The following EXOC6 variants were observed in gnomAD, a reference collection of about 807,000 sequenced individuals.
The protein encoded by EXOC6 is exocyst complex component 6, also known as SEC15-like 1.
A neutral mutation model predicts 112.5 loss-of-function variants in EXOC6; 60 were observed. The ratio of observed to expected loss-of-function variants is 0.53; its 90% CI spans 0.43 to 0.66. EXOC6 has a LOEUF of 0.66. Ranked by LOEUF, EXOC6 falls within the 30% of genes least tolerant of loss-of-function variation. EXOC6 has a pLI of 0.00. For synonymous variants in EXOC6, 295 were observed against 308.0 expected (o/e 0.96, Z 0.44); for missense variants, 855 against 957.1 (o/e 0.89, Z 1.41).
At chr10:92,975,509 C>A (rs541023572) in intron 18 of EXOC6, among the ~76,000 whole-genome samples, 2 of 149,898 alleles carry the variant, frequency 1.3e-5, no homozygotes, top group Non-Finnish European at 3.0e-5. Flanking sequence ...CCAGCCGCCC[C>A]GTCCAGGAGG....
At chr10:92,985,717 C>T (rs1339759039) in intron 18 of EXOC6, among the ~76,000 whole-genome samples, 1 of 152,122 alleles carries the variant, frequency 6.6e-6, no homozygotes, top group Non-Finnish European at 1.5e-5. Flanking sequence ...CCTCTTTTAG[C>T]TCTGCACTTT....
chr10:93,051,298 C>A (rs1846283179), intron 20 of EXOC6, among the ~76,000 whole-genome samples: 1 of 152,178 alleles, frequency 6.6e-6, no homozygotes, highest in South Asian at 2.1e-4. Context: ...CTTTAAGCAG[C>A]TTCTGCAGCA....
chr10:93,037,401 G>A (rs901194210), intron 20 of EXOC6, among the ~76,000 whole-genome samples: 1 of 151,612 alleles, frequency 6.6e-6, no homozygotes, highest in East Asian at 2.0e-4. Context: ...CACCCAATGT[G>A]CGGGGATTAA....
intron 7 of EXOC6, 69 bp from the exon 8 acceptor site, chr10:92,919,910 TTAA>T: frequency 1.1e-6 from 1 of 910,370 alleles, no homozygotes; most frequent in South Asian, 1.8e-5. Context: ...TTGCCTATCT[TTAA>T]CTTTACATTA....
chr10:92,980,029 T>G (rs2134118054), intron 18 of EXOC6, among the ~76,000 whole-genome samples: 1 of 152,046 alleles, frequency 6.6e-6, no homozygotes, highest in African/African-American at 2.4e-5. Flanking sequence ...GCAAGCTAAA[T>G]AGTATTGATA....
intron 17 of EXOC6, among the ~76,000 whole-genome samples, chr10:92,964,871 CCAGCAGCTCT>C (rs1841979906): frequency 6.6e-6 from 1 of 152,154 alleles, no homozygotes; most frequent in Non-Finnish European, 1.5e-5. Context: ...CCAGCAGTTC[CCAGCAGCTCT>C]AGGCTGTCTC....
intron 13 of EXOC6, among the ~76,000 whole-genome samples, chr10:92,946,724 C>A (rs1228285564): frequency 6.6e-6 from 1 of 152,194 alleles, no homozygotes; most frequent in Non-Finnish European, 1.5e-5. Flanking sequence ...TTACACCCCC[C>A]CACACACTAA....
intron 12 of EXOC6, among the ~76,000 whole-genome samples, chr10:92,938,222 T>C (rs534366275): frequency 1.3e-5 from 2 of 152,262 alleles, no homozygotes; most frequent in African/African-American, 4.8e-5. Flanking sequence ...GCAACAATGA[T>C]AGTTACATAA....
At position 92,997,710 on chromosome 10, in the gene EXOC6, G is replaced by A. The variant is rs141452587; in HGVS notation, c.2095+95G>A. 641 of 1,133,774 alleles carry A rather than the reference G, an allele frequency of 5.7e-4. 4 individuals are homozygous for A. In the African/African-American group the frequency reaches 9.4e-3, roughly 17 times the overall value. The allele number at this position is 1,133,774 out of a possible 1,614,324, so 70.2% of individuals were successfully genotyped here. ...TTTAGCAGGATAGTTCAGAAAGGAG[G>A]GAGAAGGCCTGGTTCAGCTAAACTT... On this transcript the variant is annotated intron_variant, in intron 19 of 21. Transcript: ENST00000260762.
intron 20 of EXOC6, among the ~76,000 whole-genome samples, chr10:93,052,787 C>A (rs974499277): frequency 2.0e-5 from 3 of 152,114 alleles, no homozygotes; most frequent in Non-Finnish European, 4.4e-5. Flanking sequence ...CTGACTTTAT[C>A]CTTTAATAAG....
At chr10:92,965,410 G>C (rs1842005717) in intron 17 of EXOC6, among the ~76,000 whole-genome samples, 1 of 152,000 alleles carries the variant, frequency 6.6e-6, no homozygotes, top group Admixed American at 6.6e-5. Context: ...TGCCTCCAGA[G>C]GGCACTATTT....
At chr10:92,889,740 C>CT (rs887588837) in intron 1 of EXOC6, among the ~76,000 whole-genome samples, 51 of 146,792 alleles carry the variant, frequency 3.5e-4, no homozygotes, top group Admixed American at 4.8e-4. Flanking sequence ...CAATTCTGTT[C>CT]TTTTTTTTTT....
chr10:93,025,504 T>C (rs1477685489), intron 20 of EXOC6, among the ~76,000 whole-genome samples: 5 of 152,222 alleles, frequency 3.3e-5, no homozygotes, highest in Non-Finnish European at 7.3e-5. Flanking sequence ...GGCCTAGATA[T>C]ATGAGTCAAG....
intron 1 of EXOC6, among the ~76,000 whole-genome samples, chr10:92,856,360 A>G (rs1031922353): frequency 9.2e-5 from 14 of 152,228 alleles, no homozygotes; most frequent in Admixed American, 4.6e-4. Context: ...CTCTAAGAAC[A>G]GCATTAGCTT....
intron 18 of EXOC6, among the ~76,000 whole-genome samples, chr10:92,975,397 C>G (rs1842487179): frequency 6.7e-6 from 1 of 149,156 alleles, no homozygotes; most frequent in South Asian, 2.1e-4. Flanking sequence ...AAGTGAGGAG[C>G]CCCTCCGCCC....
intron 17 of EXOC6, among the ~76,000 whole-genome samples, chr10:92,968,320 G>T (rs1357145166): frequency 6.6e-6 from 1 of 151,874 alleles, no homozygotes; most frequent in Non-Finnish European, 1.5e-5. Flanking sequence ...GAGTAGCTAG[G>T]ACTATAGGCA....
intron 1 of EXOC6, among the ~76,000 whole-genome samples, chr10:92,882,818 A>G (rs559977376): frequency 6.6e-6 from 1 of 152,306 alleles, no homozygotes; most frequent in African/African-American, 2.4e-5. Context: ...TGGGTTATAA[A>G]TTGATATTGC....
intron 18 of EXOC6, among the ~76,000 whole-genome samples, chr10:92,975,351 G>A (rs554444070): frequency 2.7e-4 from 41 of 150,354 alleles, no homozygotes; most frequent in African/African-American, 9.5e-4. Context: ...TCTGAGAAGT[G>A]AGGAGCCCCT....
Position 92,920,040 on chromosome 10 carries a change from A to C in EXOC6, c.878A>C (p.Tyr293Ser). The change falls in exon 8 of 22, where the codon TAT becomes TCT. Residue 293 changes from tyrosine (Y) to serine (S), a missense_variant. Tyr to Ser is a moderately radical substitution (Grantham distance 144, BLOSUM62 -2). Transcript: ENST00000260762. ...CCTGTTTATCGATGTTTGCACATTTATTCTGTTTTGGTAAGTATGTTTTAT... is the reference window on the plus strand; with the variant it reads ...CCTGTTTATCGATGTTTGCACATTTCTTCTGTTTTGGTAAGTATGTTTTAT... ...FSPVYRCLHI[Y>S]SVLGDEETFE... 1 of 1,599,592 alleles carries C rather than the reference A, an allele frequency of 6.3e-7. No homozygotes were observed. Among genetic ancestry groups the C allele is most frequent in the East Asian group, 2.2e-5 (1 of 44,504 alleles).
Sources: allele counts gnomAD v4.1 joint callset (sites outside exome capture counted in the v4.1 genomes callset), GRCh38; gene constraint gnomAD v4.1.1; transcripts MANE v1.5; gene names NCBI Gene and HGNC (gene_info 2026-07-23, HGNC 2026-07-21).